The following AGPAT3 variants were observed in gnomAD, a reference collection of about 807,000 sequenced individuals.
AGPAT3 encodes 1-acyl-sn-glycerol-3-phosphate acyltransferase gamma.
Under a neutral mutation model 47.3 loss-of-function variants are expected in AGPAT3, and 5 were observed. The ratio of observed to expected loss-of-function variants is 0.11; its 90% CI spans 0.06 to 0.22. The LOEUF (loss-of-function observed/expected upper bound fraction) is 0.22, where lower values mean the gene tolerates loss of function less well. AGPAT3 is among the 10% of genes least tolerant of loss of function. AGPAT3 has a pLI of 1.00. For missense variants in AGPAT3, 315 were observed against 493.0 expected (o/e 0.64, Z 3.42); for synonymous variants, 212 against 208.3 (o/e 1.02, Z -0.15).
intron 1 of AGPAT3, among the ~76,000 whole-genome samples, chr21:43,896,330 A>G (rs1033245698): frequency 1.3e-5 from 2 of 152,178 alleles, no homozygotes; most frequent in Non-Finnish European, 2.9e-5. Context: ...CTGTCTTCTG[A>G]AACTTTTTAG....
At chr21:43,895,954 G>C (rs934603958) in intron 1 of AGPAT3, among the ~76,000 whole-genome samples, 2 of 152,186 alleles carry the variant, frequency 1.3e-5, no homozygotes, top group Non-Finnish European at 2.9e-5. Flanking sequence ...TTTTAGTAGA[G>C]ACAGGGTTTC....
chr21:43,929,968 C>T (rs531835365), intron 2 of AGPAT3, among the ~76,000 whole-genome samples: 5 of 152,342 alleles, frequency 3.3e-5, no homozygotes, highest in South Asian at 2.1e-4. Context: ...GTGACAGACG[C>T]GTTCTCTGGA....
rs2146736462 is a variant in AGPAT3 at position 43,968,058 on chromosome 21, C to T, written c.291C>T (p.Asn97=). The T allele has an allele frequency of 6.2e-7, 1 of 1,613,980 alleles. No homozygotes were observed. Among genetic ancestry groups the T allele is most frequent in the South Asian group, 1.1e-5 (1 of 91,032 alleles). ...KEHAVIILNH[N]FEIDFLCGWT... is the part of the protein sequence containing the mutation. ...ACGCAGTCATCATCCTCAACCACAA[C>T]TTCGAGATCGACTTCCTCTGTGGGT... Residue 97 remains asparagine (N), a synonymous_variant, in exon 4 of 10, where the codon AAC becomes AAT. Coordinates refer to ENST00000291572, the MANE Select transcript of AGPAT3 (RefSeq NM_020132.5).
intron 2 of AGPAT3, among the ~76,000 whole-genome samples, chr21:43,949,884 C>T (rs1243526611): frequency 2.0e-5 from 3 of 152,220 alleles, no homozygotes; most frequent in African/African-American, 7.2e-5. Context: ...CTCCTGAACA[C>T]ACAAGGGGAT....
chr21:43,986,602 T>C lies in AGPAT3; in HGVS notation c.*4210T>C, dbSNP rs1022150311. On this transcript the variant is annotated 3_prime_UTR_variant, in exon 10 of 10. Transcript: ENST00000291572. ...GTACGTTGTGACAATCAAATGTTACTTGCCTAAATGCCAGGAAATTCAACT... is the reference window on the plus strand; with the variant it reads ...GTACGTTGTGACAATCAAATGTTACCTGCCTAAATGCCAGGAAATTCAACT... 2.6e-5 allele frequency: 4 copies of C among 152,680 alleles called. No homozygotes were observed. Among genetic ancestry groups the C allele is most frequent in the Non-Finnish European group, 4.4e-5 (3 of 68,040 alleles). 9.5% of individuals were successfully genotyped at this position (152,680 alleles called of 1,614,324 possible).
At chr21:43,914,015 G>A (rs2146115525) in intron 2 of AGPAT3, among the ~76,000 whole-genome samples, 1 of 152,314 alleles carries the variant, frequency 6.6e-6, no homozygotes, top group South Asian at 2.1e-4. Context: ...AAATTAGTAA[G>A]GACAGTGGCC....
intron 8 of AGPAT3, among the ~76,000 whole-genome samples, chr21:43,979,080 C>T (rs916928375): frequency 3.2e-4 from 49 of 151,964 alleles, no homozygotes; most frequent in African/African-American, 1.1e-3. Context: ...GGCAGATCAC[C>T]TGAGGTCAGG....
intron 1 of AGPAT3, among the ~76,000 whole-genome samples, chr21:43,901,238 C>A (rs2086344188): frequency 6.6e-6 from 1 of 150,962 alleles, no homozygotes; most frequent in South Asian, 2.1e-4. Flanking sequence ...GCAGGAGGAT[C>A]CCTTGAGCCT....
At chr21:43,951,275 TG>T (rs962996576) in intron 2 of AGPAT3, among the ~76,000 whole-genome samples, 4 of 152,242 alleles carry the variant, frequency 2.6e-5, no homozygotes, top group African/African-American at 9.6e-5. Context: ...TTCCCCATTA[TG>T]GACTTGGATT....
In AGPAT3 at chr21:43,981,257, C is replaced by G. The variant is rs1343446123; in HGVS notation, c.1042+70C>G. On this transcript the variant is annotated intron_variant, in intron 9 of 9. Transcript: ENST00000291572. This position sits in a 1 kb window ranked among gnomAD's most constrained non-coding sequence, Gnocchi z 5.3. The stretch of plus-strand genomic sequence containing the variant: ...CAGTATCAGCCACAGGGTCCGGGAC[C>G]TGGTGACTCATCACAGTGGCTGTGG... 6.5e-7 allele frequency: 1 copy of G among 1,530,126 alleles called. No individual in the cohort carries two copies. Among genetic ancestry groups the G allele is most frequent in the Non-Finnish European group, 9.0e-7 (1 of 1,108,124 alleles). The allele number at this position is 1,530,126 out of a possible 1,614,324, so 94.8% of individuals were successfully genotyped here.
intron 1 of AGPAT3, among the ~76,000 whole-genome samples, chr21:43,902,394 G>T (rs145150449): frequency 6.6e-6 from 1 of 152,212 alleles, no homozygotes; most frequent in Non-Finnish European, 1.5e-5. Context: ...GAAAATATGC[G>T]ATATATACAC....
chr21:43,916,875 GT>G (rs1350155291), intron 2 of AGPAT3, among the ~76,000 whole-genome samples: 2 of 152,180 alleles, frequency 1.3e-5, no homozygotes, highest in East Asian at 3.9e-4. Context: ...CTTCGGTCGA[GT>G]TTTTGGTGGT....
chr21:43,949,729 TG>T (rs939386402), intron 2 of AGPAT3, among the ~76,000 whole-genome samples: 2 of 152,238 alleles, frequency 1.3e-5, no homozygotes, highest in Non-Finnish European at 2.9e-5. Context: ...AGATGTTCTG[TG>T]GTTTCCTCAT....
At chr21:43,911,768 T>A (rs1033169825) in intron 2 of AGPAT3, among the ~76,000 whole-genome samples, 2 of 152,242 alleles carry the variant, frequency 1.3e-5, no homozygotes, top group African/African-American at 4.8e-5. Flanking sequence ...CCGGGTCATC[T>A]GTGTTCATTA....
Position 43,954,972 on chromosome 21 carries a change from C to T in AGPAT3, c.-48-4662C>T, listed in dbSNP as rs937852329. ...ACTGGCCGCTTTGTGACACCGAGGA[C>T]GGTTGATAAAGTGGATTCTCGAGGG... On this transcript the variant is annotated intron_variant, in intron 2 of 9. Coordinates refer to ENST00000291572, the MANE Select transcript of AGPAT3 (RefSeq NM_020132.5). This position sits in a 1 kb window ranked among gnomAD's most constrained non-coding sequence, Gnocchi z 4.0. 25 of 1,097,416 alleles carry T rather than the reference C, an allele frequency of 2.3e-5. No homozygotes were observed. Among genetic ancestry groups the T allele is most frequent in the Middle Eastern group, 4.3e-4 (1 of 2,348 alleles). The allele number at this position is 1,097,416 out of a possible 1,614,324, so 68.0% of individuals were successfully genotyped here.
rs1394303534 is a variant in AGPAT3 at position 43,970,415 on chromosome 21, G to A, written c.511-238G>A. ...ACACCTTCATGTTTCACTTCTTTCT[G>A]GAAAGTTCTTTCTGGAGAGCTCTCC... is the stretch of plus-strand genomic sequence containing the variant. On this transcript the variant is annotated intron_variant, in intron 5 of 9. Transcript: ENST00000291572. The surrounding 1 kb of genome is among the most constrained non-coding windows in gnomAD (Gnocchi z 5.8). Among the ~76,000 whole-genome samples, 2 of 152,174 alleles carry A rather than the reference G, an allele frequency of 1.3e-5. No homozygotes were observed. The highest frequency in any genetic ancestry group is 4.8e-5 in the African/African-American group (2 of 41,426).
rs1234826252 is a variant in AGPAT3 at position 43,987,303 on chromosome 21, G to A, written c.*4911G>A. Among the ~76,000 whole-genome samples, 2 of 152,182 alleles carry A rather than the reference G, an allele frequency of 1.3e-5. No individual in the cohort carries two copies. The highest frequency in any genetic ancestry group is 3.8e-4 in the East Asian group (2 of 5,196). ...CCATCCTGCCGATGGCACTTTTCAA[G>A]GCCCTCCCTTCCCTACGAGTTGCTT... On this transcript the variant is annotated 3_prime_UTR_variant, in exon 10 of 10. Transcript: ENST00000291572.
intron 1 of AGPAT3, among the ~76,000 whole-genome samples, chr21:43,896,559 G>A (rs1040085753): frequency 2.0e-5 from 3 of 152,342 alleles, no homozygotes; most frequent in Admixed American, 6.5e-5. Context: ...TTGCTGGACC[G>A]CAGTCACACC....
chr21:43,959,951 G>A, intron 3 of AGPAT3, 92 bp downstream of exon 3: 3 of 1,380,288 alleles, frequency 2.2e-6, no homozygotes, highest in South Asian at 2.6e-5. Flanking sequence ...TCTCAGGCAG[G>A]AAGTGAGGGC....
Sources: allele counts gnomAD v4.1 joint callset (sites outside exome capture counted in the v4.1 genomes callset), GRCh38; gene constraint gnomAD v4.1.1; non-coding constraint Gnocchi (gnomAD v3.1); transcripts MANE v1.5; gene names NCBI Gene and HGNC (gene_info 2026-07-23, HGNC 2026-07-21).